NXPE2: variants seen among roughly 807,000 people sequenced by gnomAD.
NXPE2 encodes neurexophilin and PC-esterase domain family member 2.
A neutral mutation model predicts 34.4 loss-of-function variants in NXPE2; 34 were observed. The observed-to-expected ratio is 0.99, with a 90% confidence interval of 0.75 to 1.31. The LOEUF (loss-of-function observed/expected upper bound fraction) is 1.31. NXPE2 is among the 40% of genes most tolerant of loss of function. NXPE2 has a pLI of 0.00. For missense variants in NXPE2, 649 were observed against 672.5 expected (o/e 0.97, Z 0.39); for synonymous variants, 235 against 231.3 (o/e 1.02, Z -0.15).
the NXPE2 span, among the ~76,000 whole-genome samples, chr11:114,560,066 G>A: frequency 6.6e-6 from 1 of 152,104 alleles, no homozygotes; most frequent in Admixed American, 6.6e-5. Flanking sequence ...CTCTCTCCAT[G>A]TTACTGGTGA....
chr11:114,531,075 A>C, the NXPE2 span, among the ~76,000 whole-genome samples: 1 of 151,942 alleles, frequency 6.6e-6, no homozygotes. Flanking sequence ...AAAAGAGAAG[A>C]GAAACAAGGA....
At chr11:114,779,020 G>A in the NXPE2 span, among the ~76,000 whole-genome samples, 5 of 152,170 alleles carry the variant, frequency 3.3e-5, no homozygotes, top group Non-Finnish European at 7.3e-5. Context: ...CACACTCACT[G>A]TCAGTTCCTT....
the NXPE2 span, among the ~76,000 whole-genome samples, chr11:114,517,117 C>A: frequency 6.6e-6 from 1 of 152,144 alleles, no homozygotes. Flanking sequence ...ATTCTCAGAC[C>A]AGAACCTTGT....
At chr11:114,798,089 TTATTTATATA>T in the NXPE2 span, among the ~76,000 whole-genome samples, 3 of 152,218 alleles carry the variant, frequency 2.0e-5, no homozygotes, top group African/African-American at 7.2e-5. Context: ...TATATTTCCC[TTATTTATATA>T]TATATCTAAA....
At chr11:114,582,391 AG>A in the NXPE2 span, 1 of 1,614,228 alleles carries the variant, frequency 6.2e-7, no homozygotes, top group Non-Finnish European at 8.5e-7. Context: ...GGCCTCACAC[AG>A]TAGAAGCCTT....
chr11:114,679,824 C>G (rs1950918970), intron 2 of NXPE2, 62 bp downstream of exon 2: 2 of 927,700 alleles, frequency 2.2e-6, no homozygotes, highest in Non-Finnish European at 3.4e-6. Context: ...TGAATGACCC[C>G]CTTTATCATG....
At position 114,698,507 on chromosome 11, in the gene NXPE2, G is replaced by T; in HGVS notation, c.595G>T (p.Gly199Trp). Reference protein sequence around the residue: ...LSLLLIHPSEGVSALWRARNQ... With the variant: ...LSLLLIHPSEWVSALWRARNQ... ...TCTGCTGCTCATCCACCCCAGTGAA[G>T]GGGTATCAGCTCTCTGGAGGGCAAG... The change falls in exon 3 of 6, where the codon GGG becomes TGG. Residue 199 changes from glycine (G) to tryptophan (W), a missense_variant. Gly to Trp is a radical substitution (Grantham distance 184). Coordinates refer to ENST00000389586, the MANE Select transcript of NXPE2 (RefSeq NM_182495.6). 6.2e-7 allele frequency: 1 copy of T among 1,614,102 alleles called. No homozygotes were observed. The highest frequency in any genetic ancestry group is 8.5e-7 in the Non-Finnish European group (1 of 1,179,958).
chr11:114,626,244 C>T, the NXPE2 span, among the ~76,000 whole-genome samples: 2 of 152,218 alleles, frequency 1.3e-5, no homozygotes, highest in East Asian at 3.9e-4. Context: ...AACAAAAAGA[C>T]AGCAGTAACC....
chr11:114,631,128 A>T, the NXPE2 span, among the ~76,000 whole-genome samples: 10 of 152,120 alleles, frequency 6.6e-5, no homozygotes, highest in African/African-American at 2.4e-4. Context: ...ATTCTCAGGG[A>T]TCTAGAACTA....
the NXPE2 span, among the ~76,000 whole-genome samples, chr11:114,733,283 C>T: frequency 2.0e-5 from 3 of 152,158 alleles, no homozygotes; most frequent in South Asian, 6.2e-4. Flanking sequence ...TTAGTACAGA[C>T]GGGGTTTCAC....
At chr11:114,522,950 C>G in the NXPE2 span, 1 of 1,613,422 alleles carries the variant, frequency 6.2e-7, no homozygotes, top group African/African-American at 1.3e-5. Context: ...AATGAGTTTG[C>G]CTTTCAAACA....
chr11:114,704,066 G>A lies in NXPE2; in HGVS notation c.928+14G>A. 6.5e-7 allele frequency: 1 copy of A among 1,536,820 alleles called. No individual in the cohort carries two copies. Among genetic ancestry groups the A allele is most frequent in the South Asian group, 1.2e-5 (1 of 83,538 alleles). On this transcript the variant is annotated intron_variant, in intron 4 of 5. Transcript: ENST00000389586. ...TACCATGCAACAGTAAGTCTGGAGT[G>A]TTGTTGTCTGCCATGATCACAATTT...
the NXPE2 span, among the ~76,000 whole-genome samples, chr11:114,489,618 C>T: frequency 6.6e-6 from 1 of 152,182 alleles, no homozygotes; most frequent in Non-Finnish European, 1.5e-5. Flanking sequence ...ACATGATTGT[C>T]TCAACAGATG....
At chr11:114,579,328 C>T in the NXPE2 span, among the ~76,000 whole-genome samples, 1 of 152,190 alleles carries the variant, frequency 6.6e-6, no homozygotes, top group Admixed American at 6.5e-5. Flanking sequence ...TAGGTCCCAC[C>T]TCCAGTGTTG....
the NXPE2 span, chr11:114,527,689 C>T: frequency 1.9e-6 from 1 of 529,142 alleles, no homozygotes; most frequent in East Asian, 3.0e-5. Context: ...GAAATCATTT[C>T]CTTGAGTTCA....
the NXPE2 span, among the ~76,000 whole-genome samples, chr11:114,507,198 C>CA: frequency 6.8e-6 from 1 of 146,054 alleles, no homozygotes; most frequent in East Asian, 2.0e-4. Flanking sequence ...CTGAACAGAC[C>CA]AGTAACAAGC....
At chr11:114,553,179 T>C in the NXPE2 span, among the ~76,000 whole-genome samples, 1 of 152,328 alleles carries the variant, frequency 6.6e-6, no homozygotes, top group East Asian at 1.9e-4. Flanking sequence ...AATTTATTCC[T>C]TTGTGCTCTT....
At chr11:114,755,822 G>A in the NXPE2 span, among the ~76,000 whole-genome samples, 2 of 151,052 alleles carry the variant, frequency 1.3e-5, no homozygotes, top group African/African-American at 4.9e-5. Context: ...GCTGACTATG[G>A]ATTAGATTTC....
At chr11:114,537,325 T>C in the NXPE2 span, among the ~76,000 whole-genome samples, 1 of 152,182 alleles carries the variant, frequency 6.6e-6, no homozygotes, top group Non-Finnish European at 1.5e-5. Context: ...GCCAATATCA[T>C]ACTGAATGGA....
Sources: allele counts gnomAD v4.1 joint callset (sites outside exome capture counted in the v4.1 genomes callset), GRCh38; gene constraint gnomAD v4.1.1; transcripts MANE v1.5; gene names NCBI Gene and HGNC (gene_info 2026-07-23, HGNC 2026-07-21).